The following LAP3 variants were observed in gnomAD, a reference collection of about 807,000 sequenced individuals.
LAP3 encodes leucine aminopeptidase 3.
LAP3 carries 46 observed loss-of-function variants against 58.8 expected under a neutral mutation model. That is an observed-to-expected ratio of 0.78 (90% CI 0.62 to 1.00). LAP3 has a LOEUF of 1.00. Among genes scored for constraint, LAP3 ranks in the 50% least tolerant of loss-of-function variants. The probability of loss-of-function intolerance (pLI) is 0.00; values close to 1 mark genes in which losing one functional copy is unlikely to be tolerated. For synonymous variants in LAP3, 257 were observed against 237.7 expected, an observed-to-expected ratio of 1.08 and a Z score of -0.75; for missense variants, 615 against 659.1, an observed-to-expected ratio of 0.93 and a Z score of 0.73.
At chr4:17,592,614 A>T (rs73800304) in intron 7 of LAP3, among the ~76,000 whole-genome samples, 4,958 of 152,274 alleles carry the variant, frequency 0.033, 249 homozygotes, top group African/African-American at 0.11. Context: ...TGAGTGTTTA[A>T]CTTTTAAGAA....
At chr4:17,595,128 C>T (rs1334011487) in intron 7 of LAP3, among the ~76,000 whole-genome samples, 1 of 150,698 alleles carries the variant, frequency 6.6e-6, no homozygotes, top group Admixed American at 6.6e-5. Flanking sequence ...GAAACCCCAT[C>T]TCTACTAAAA....
At chr4:17,581,092 A>G (rs1004354787) in intron 2 of LAP3, among the ~76,000 whole-genome samples, 4 of 152,222 alleles carry the variant, frequency 2.6e-5, no homozygotes, top group Non-Finnish European at 4.4e-5. Context: ...GCTGCATTCC[A>G]GAGCATCTGT....
chr4:17,593,609 G>GGTTTTTT (rs1713752982), intron 7 of LAP3, among the ~76,000 whole-genome samples: 1 of 87,608 alleles, frequency 1.1e-5, no homozygotes, highest in Non-Finnish European at 2.0e-5. Flanking sequence ...ATCTGCTTGG[G>GGTTTTTT]TTTTTTTTTT....
intron 10 of LAP3, among the ~76,000 whole-genome samples, chr4:17,599,661 C>T (rs964827661): frequency 6.6e-6 from 1 of 151,468 alleles, no homozygotes; most frequent in African/African-American, 2.4e-5. Flanking sequence ...CTTTTTTAAA[C>T]TAATTGTAAT....
chr4:17,595,640 G>T, intron 8 of LAP3, 106 bp downstream of exon 8: 1 of 1,319,158 alleles, frequency 7.6e-7, no homozygotes, highest in Admixed American at 2.0e-5. Context: ...GATAAGAAAT[G>T]ATTTTTAAAT....
intron 10 of LAP3, 55 bp from the exon 11 acceptor site, chr4:17,604,533 G>C (rs1714067879): frequency 7.7e-7 from 1 of 1,307,100 alleles, no homozygotes; most frequent in Non-Finnish European, 1.1e-6. Context: ...GGGTGGCGGA[G>C]GAGCCCATTT....
At chr4:17,579,062 A>G (rs1036998030) in intron 1 of LAP3, among the ~76,000 whole-genome samples, 3 of 152,250 alleles carry the variant, frequency 2.0e-5, no homozygotes, top group Admixed American at 1.3e-4. Flanking sequence ...TTTTACGTGT[A>G]CACAGGAGTC....
Position 17,580,184 on chromosome 4 carries a change from A to ATATATATATATATATGTAT in LAP3, c.218+246_218+247insATATATATATATATGTATT, listed in dbSNP as rs548745392. Among the ~76,000 whole-genome samples the ATATATATATATATATGTAT allele has an allele frequency of 4.2e-4, 17 of 40,228 alleles. 4 individuals carry two copies. Among genetic ancestry groups the ATATATATATATATATGTAT allele is most frequent in the African/African-American group, 1.9e-3 (15 of 7,798 alleles). The allele number at this position is 40,228 out of a possible 152,430, so 26.4% of individuals were successfully genotyped here. A position where few individuals can be genotyped will look rare whatever the true frequency, so the allele number is the denominator to read the frequency against. ...GGCTTTCATATATATATATATATGT[A>ATATATATATATATATGTAT]TTTTTTTTTTTTTTCAGTAGAGTTG... On this transcript the variant is annotated intron_variant, in intron 2 of 12. Coordinates refer to ENST00000226299, the MANE Select transcript of LAP3 (RefSeq NM_015907.3).
chr4:17,577,934 G>C (rs1197398753), intron 1 of LAP3, among the ~76,000 whole-genome samples: 1 of 152,196 alleles, frequency 6.6e-6, no homozygotes, highest in Non-Finnish European at 1.5e-5. Context: ...CAAGGTGAAA[G>C]GGTTTCTGAG....
intron 6 of LAP3, chr4:17,585,435 A>ATT (rs201860192): frequency 0.013 from 1,876 of 149,026 alleles, 25 homozygotes; most frequent in East Asian, 0.041. Flanking sequence ...CAATTCAGTG[A>ATT]TTTTTTTTTT....
chr4:17,583,854 C>A (rs1481288935), intron 5 of LAP3, among the ~76,000 whole-genome samples: 1 of 152,194 alleles, frequency 6.6e-6, no homozygotes, highest in Non-Finnish European at 1.5e-5. Context: ...CCCATGACTC[C>A]CTGACCCCTC....
intron 7 of LAP3, among the ~76,000 whole-genome samples, chr4:17,594,348 A>T (rs1713775791): frequency 6.6e-6 from 1 of 152,188 alleles, no homozygotes; most frequent in African/African-American, 2.4e-5. Context: ...GATCATCTTT[A>T]ATTCTTGGTG....
intron 7 of LAP3, among the ~76,000 whole-genome samples, chr4:17,590,446 T>C (rs751929601): frequency 6.6e-6 from 1 of 152,208 alleles, no homozygotes; most frequent in Non-Finnish European, 1.5e-5. Context: ...CTTTAAAGCA[T>C]TGATCTCCAA....
At chr4:17,578,191 T>G (rs777181013) in intron 1 of LAP3, among the ~76,000 whole-genome samples, 4 of 151,870 alleles carry the variant, frequency 2.6e-5, no homozygotes, top group Non-Finnish European at 5.9e-5. Context: ...AGCTTGGGAG[T>G]CATGCCTAAG....
chr4:17,594,866 A>C (rs1274286829), intron 7 of LAP3, among the ~76,000 whole-genome samples: 1 of 152,154 alleles, frequency 6.6e-6, no homozygotes, highest in African/African-American at 2.4e-5. Flanking sequence ...AAGTTGATCA[A>C]TTCATAAAAT....
rs200219138 is a variant in LAP3, at chr4:17,605,226, ACT to A, written c.1260+562_1260+563del. Among the ~76,000 whole-genome samples, 239 of 151,426 alleles carry A rather than the reference ACT, an allele frequency of 1.6e-3. 1 individual carries two copies. Among genetic ancestry groups the A allele is most frequent in the African/African-American group, 5.3e-3 (219 of 41,078 alleles). On this transcript the variant is annotated intron_variant, in intron 11 of 12. Transcript: ENST00000226299. ...TCAGCCTGTCTTGAGGCAGCAGGTG[ACT>A]CTGTGGCCTCCTGACACCTGGTTCA...
chr4:17,600,291 G>A (rs932152364), intron 10 of LAP3, among the ~76,000 whole-genome samples: 1 of 151,446 alleles, frequency 6.6e-6, no homozygotes, highest in Non-Finnish European at 1.5e-5. Flanking sequence ...TCTAAAAATA[G>A]TCCACAGGTC....
Position 17,585,110 on chromosome 4 carries a change from T to A in LAP3, c.678T>A (p.Ala226=). The part of the protein sequence containing the change: ...AEIIEKNLKS[A]SSKTEVHIRP... ...TTATTGAGAAGAATCTCAAAAGTGCTAGTAGTAAAACCGAGGTCCATATCA... is the reference window on the plus strand; with the variant it reads ...TTATTGAGAAGAATCTCAAAAGTGCAAGTAGTAAAACCGAGGTCCATATCA... Residue 226 remains alanine (A), a synonymous_variant, in exon 6 of 13, where the codon GCT becomes GCA. Coordinates refer to ENST00000226299, the MANE Select transcript of LAP3 (RefSeq NM_015907.3). 6.2e-7 allele frequency: 1 copy of A among 1,613,808 alleles called. No individual in the cohort carries two copies. The highest frequency in any genetic ancestry group is 1.7e-5 in the Admixed American group (1 of 60,012).
intron 2 of LAP3, among the ~76,000 whole-genome samples, chr4:17,580,676 G>A (rs910299709): frequency 2.0e-5 from 3 of 152,058 alleles, no homozygotes; most frequent in African/African-American, 4.8e-5. Flanking sequence ...CAGCCTAAGG[G>A]TTTTGCTCTT....
Sources: allele counts gnomAD v4.1 joint callset (sites outside exome capture counted in the v4.1 genomes callset), GRCh38; gene constraint gnomAD v4.1.1; transcripts MANE v1.5; gene names NCBI Gene and HGNC (gene_info 2026-07-23, HGNC 2026-07-21).